PTGER3: variants seen among roughly 807,000 people sequenced by gnomAD.
PTGER3 encodes prostaglandin E receptor 3, also known as prostaglandin E2 receptor EP3 subtype.
Under a neutral mutation model 34.7 loss-of-function variants are expected in PTGER3, and 22 were observed. The observed-to-expected ratio is 0.63, with a 90% CI of 0.45 to 0.91. PTGER3 has a LOEUF of 0.91. Among genes scored for constraint, PTGER3 ranks in the 40% least tolerant of loss-of-function variants. The pLI is 0.00. For synonymous variants in PTGER3, 241 were observed against 230.1 expected, an observed-to-expected ratio of 1.05 and a Z score of -0.43; for missense variants, 468 against 519.4, an observed-to-expected ratio of 0.90 and a Z score of 0.96.
chr1:71,028,519 T>C (rs1327426134), intron 1 of PTGER3, among the ~76,000 whole-genome samples: 12 of 152,218 alleles, frequency 7.9e-5, no homozygotes, highest in Non-Finnish European at 1.5e-4. Flanking sequence ...AACATAAATA[T>C]AGTGACACTC....
At chr1:71,001,254 AC>A (rs775532472) in intron 2 of PTGER3, among the ~76,000 whole-genome samples, 2 of 151,984 alleles carry the variant, frequency 1.3e-5, no homozygotes, top group African/African-American at 2.4e-5. Flanking sequence ...GCTCCTTCAC[AC>A]ACACACAAAT....
rs188043659 is a variant in PTGER3 at position 70,881,487 on chromosome 1, G to T, written c.*24-28628C>A. On this transcript the variant is annotated intron_variant, in intron 4 of 4. Transcript: ENST00000370931. ...CATTTGGAGGTAAGAAGACATTTTT[G>T]CCTTTTTTGTTGTTGTTGTTGTTGC... 8.5e-5 allele frequency among the ~76,000 whole-genome samples: 13 copies of T among 152,250 alleles called. No homozygotes were observed. In the East Asian group the frequency reaches 1.7e-3, roughly 20 times the overall value.
At chr1:70,881,165 C>A (rs1441055685) in intron 4 of PTGER3, among the ~76,000 whole-genome samples, 1 of 152,166 alleles carries the variant, frequency 6.6e-6, no homozygotes, top group Non-Finnish European at 1.5e-5. Flanking sequence ...AGCAATCTCT[C>A]AAGCTCTGAG....
At chr1:70,987,141 T>G (rs1345009417) in intron 2 of PTGER3, among the ~76,000 whole-genome samples, 1 of 152,166 alleles carries the variant, frequency 6.6e-6, no homozygotes, top group African/African-American at 2.4e-5. Context: ...ACAAATATGG[T>G]TATGGTTCTC....
intron 1 of PTGER3, among the ~76,000 whole-genome samples, chr1:71,033,873 A>C (rs769279989): frequency 7.9e-5 from 12 of 152,162 alleles, no homozygotes; most frequent in Non-Finnish European, 1.6e-4. Context: ...GCCGTGGTCA[A>C]GGTAATTTTT....
chr1:70,991,088 C>T (rs1345727934), intron 2 of PTGER3, among the ~76,000 whole-genome samples: 2 of 152,062 alleles, frequency 1.3e-5, no homozygotes, highest in Admixed American at 6.6e-5. Context: ...TAACCTTAAA[C>T]TTCACTCAAT....
chr1:70,862,778 G>A (rs763643820), intron 4 of PTGER3, among the ~76,000 whole-genome samples: 2 of 152,134 alleles, frequency 1.3e-5, no homozygotes, highest in Non-Finnish European at 2.9e-5. Flanking sequence ...AGACAGGAAA[G>A]CTTACTGAGG....
At chr1:70,918,047 A>G (rs1393237450) in intron 4 of PTGER3, among the ~76,000 whole-genome samples, 3 of 152,066 alleles carry the variant, frequency 2.0e-5, no homozygotes, top group Non-Finnish European at 4.4e-5. Flanking sequence ...AAAACCACAC[A>G]TAGACCAATG....
intron 4 of PTGER3, among the ~76,000 whole-genome samples, chr1:70,858,766 C>T (rs945150162): frequency 6.6e-6 from 1 of 152,172 alleles, no homozygotes; most frequent in Non-Finnish European, 1.5e-5. Context: ...TAAGCTCCTA[C>T]CAACATTTGG....
chr1:70,912,047 A>G (rs547738237), intron 4 of PTGER3, among the ~76,000 whole-genome samples: 19 of 152,262 alleles, frequency 1.2e-4, no homozygotes, highest in Non-Finnish European at 2.8e-4. Flanking sequence ...ATTGAGATCT[A>G]AGCATTTTGT....
chr1:70,954,327 A>G (rs1304065058), intron 2 of PTGER3, among the ~76,000 whole-genome samples: 2 of 152,120 alleles, frequency 1.3e-5, no homozygotes, highest in Admixed American at 6.5e-5. Flanking sequence ...ACCAGTCTTT[A>G]TAAAAGACTT....
chr1:70,957,259 T>C (rs1651443297), intron 2 of PTGER3, among the ~76,000 whole-genome samples: 1 of 152,100 alleles, frequency 6.6e-6, no homozygotes, highest in Non-Finnish European at 1.5e-5. Flanking sequence ...CCTAAATGAG[T>C]ATATTGTTCT....
intron 4 of PTGER3, among the ~76,000 whole-genome samples, chr1:70,943,529 T>A (rs919591801): frequency 2.0e-5 from 3 of 152,182 alleles, no homozygotes; most frequent in Non-Finnish European, 4.4e-5. Flanking sequence ...TTGGTTGTGA[T>A]GTTGCAGTGG....
chr1:70,973,121 C>CGTGTGTGTGTGTGT (rs71898506), intron 3 of PTGER3, among the ~76,000 whole-genome samples: 4 of 143,854 alleles, frequency 2.8e-5, no homozygotes, highest in African/African-American at 1.0e-4. Context: ...CCAGTGTGCA[C>CGTGTGTGTGTGTGT]GTGTGTGTGT....
intron 2 of PTGER3, among the ~76,000 whole-genome samples, chr1:70,983,640 A>AT (rs1010544838): frequency 6.6e-6 from 1 of 152,076 alleles, no homozygotes; most frequent in Non-Finnish European, 1.5e-5. Context: ...AAAGGGAGAT[A>AT]TTTTTTTCTT....
In PTGER3 at chr1:71,047,654, G is replaced by T; in HGVS notation, c.-77C>A. 7.0e-7 allele frequency: 1 copy of T among 1,435,984 alleles called. No homozygotes were observed. The highest frequency in any genetic ancestry group is 9.2e-7 in the Non-Finnish European group (1 of 1,086,348). The allele number at this position is 1,435,984 out of a possible 1,614,324, so 89.0% of individuals were successfully genotyped here. On this transcript the variant is annotated 5_prime_UTR_variant, in exon 1 of 4. Coordinates refer to ENST00000306666, the MANE Select transcript of PTGER3 (RefSeq NM_198719.2). ...GGGCAGACGCGGCGCGGGCGGCGGC[G>T]GAGGTCGGCGTTTACCGCGGCTGGG...
At chr1:70,993,562 G>A (rs1035976339) in intron 2 of PTGER3, among the ~76,000 whole-genome samples, 20 of 152,088 alleles carry the variant, frequency 1.3e-4, no homozygotes, top group Non-Finnish European at 2.4e-4. Flanking sequence ...AGGTGAAGAG[G>A]GTTAATAACA....
chr1:70,877,860 T>C (rs192887610), intron 4 of PTGER3, among the ~76,000 whole-genome samples: 17 of 152,322 alleles, frequency 1.1e-4, no homozygotes, highest in South Asian at 4.1e-4. Context: ...TAGTATTTCA[T>C]TGAAGATTTT....
At chr1:70,885,484 T>A (rs1572548820) in intron 4 of PTGER3, among the ~76,000 whole-genome samples, 1 of 152,118 alleles carries the variant, frequency 6.6e-6, no homozygotes. Context: ...ATGCAAAAAA[T>A]TTTGCATACA....
Sources: allele counts gnomAD v4.1 joint callset (sites outside exome capture counted in the v4.1 genomes callset), GRCh38; gene constraint gnomAD v4.1.1; transcripts MANE v1.5; gene names NCBI Gene and HGNC (gene_info 2026-07-23, HGNC 2026-07-21).